Variants in ZMYM2 observed in about 807,000 individuals in gnomAD.
ZMYM2 encodes zinc finger MYM-type protein 2.
In ZMYM2, 56 loss-of-function variants were observed where a neutral mutation model predicts 162.8. The observed-to-expected ratio is 0.34, with a 90% CI of 0.28 to 0.43. The LOEUF (loss-of-function observed/expected upper bound fraction) is 0.43. ZMYM2 is among the 20% of genes least tolerant of loss of function. ZMYM2 has a pLI of 1.00. For synonymous variants in ZMYM2, 510 were observed against 541.6 expected (o/e 0.94, Z 0.81); for missense variants, 1,275 against 1,621.8 (o/e 0.79, Z 3.67).
At chr13:20,036,659 C>T in intron 11 of ZMYM2, 78 bp from the exon 12 acceptor site, 1 of 1,202,126 alleles carries the variant, frequency 8.3e-7, no homozygotes, top group Middle Eastern at 2.5e-4. Flanking sequence ...AAATCTTGAC[C>T]AATTAAGATC....
the ZMYM2 span, among the ~76,000 whole-genome samples, chr13:19,905,633 T>G: frequency 1.3e-5 from 2 of 152,270 alleles, no homozygotes; most frequent in African/African-American, 4.8e-5. Context: ...CTGCTTACCC[T>G]GCCTTGCCTG....
the ZMYM2 span, among the ~76,000 whole-genome samples, chr13:19,911,283 T>G: frequency 2.0e-5 from 3 of 152,084 alleles, no homozygotes; most frequent in African/African-American, 7.2e-5. Flanking sequence ...GGTCTGGAAC[T>G]CCTGACCTCA....
At chr13:19,925,262 C>T in the ZMYM2 span, among the ~76,000 whole-genome samples, 1 of 152,158 alleles carries the variant, frequency 6.6e-6, no homozygotes, top group Non-Finnish European at 1.5e-5. Context: ...TTTGCTATAG[C>T]TTTTTAGTAA....
At chr13:19,877,023 G>C in the ZMYM2 span, among the ~76,000 whole-genome samples, 1,839 of 151,758 alleles carry the variant, frequency 0.012, 39 homozygotes, top group African/African-American at 0.041. Flanking sequence ...AGGAGATCGA[G>C]ACCATGGTGA....
the ZMYM2 span, among the ~76,000 whole-genome samples, chr13:19,929,520 G>A: frequency 6.6e-6 from 1 of 152,180 alleles, no homozygotes; most frequent in African/African-American, 2.4e-5. Context: ...TTACATGCGT[G>A]AGCCACCGCG....
the ZMYM2 span, among the ~76,000 whole-genome samples, chr13:19,898,433 C>T: frequency 6.6e-6 from 1 of 152,030 alleles, no homozygotes; most frequent in Non-Finnish European, 1.5e-5. Context: ...CGGGGTTTCA[C>T]TGTGTTAGCC....
chr13:19,944,012 G>T, the ZMYM2 span, among the ~76,000 whole-genome samples: 1 of 152,248 alleles, frequency 6.6e-6, no homozygotes, highest in African/African-American at 2.4e-5. Flanking sequence ...AAAATATGCG[G>T]GGCTGTAGAA....
chr13:20,065,285 C>G (rs1253775536), intron 19 of ZMYM2, among the ~76,000 whole-genome samples: 1 of 151,876 alleles, frequency 6.6e-6, no homozygotes, highest in African/African-American at 2.4e-5. Flanking sequence ...TGCTTGACAC[C>G]AAACACAACA....
intron 17 of ZMYM2, 146 bp downstream of exon 17, chr13:20,061,370 A>ATTCGGCG: frequency 1.5e-6 from 1 of 651,294 alleles, no homozygotes; most frequent in Non-Finnish European, 2.2e-6. Context: ...TTTTTATATT[A>ATTCGGCG]AGAGATCTAC....
the ZMYM2 span, among the ~76,000 whole-genome samples, chr13:19,869,268 C>G: frequency 6.6e-6 from 1 of 152,130 alleles, no homozygotes; most frequent in Non-Finnish European, 1.5e-5. Flanking sequence ...ACTGGATACA[C>G]AAGTTTTACT....
At chr13:20,003,182 T>G in intron 4 of ZMYM2, 47 bp downstream of exon 4, 1 of 1,543,622 alleles carries the variant, frequency 6.5e-7, no homozygotes, top group Non-Finnish European at 8.7e-7. Flanking sequence ...AATTTTGGAG[T>G]TGTAAAATTT....
intron 14 of ZMYM2, among the ~76,000 whole-genome samples, chr13:20,056,194 G>GC (rs1405263314): frequency 6.6e-6 from 1 of 152,178 alleles, no homozygotes; most frequent in Non-Finnish European, 1.5e-5. Context: ...AAATTCTTGA[G>GC]CACTTGCAGG....
intron 21 of ZMYM2, among the ~76,000 whole-genome samples, chr13:20,069,441 G>A (rs1375962648): frequency 4.0e-5 from 1 of 25,152 alleles, no homozygotes; most frequent in Non-Finnish European, 7.1e-4. Context: ...GTAGCTCCCT[G>A]TTACCAAGTT....
At chr13:19,919,541 T>C in the ZMYM2 span, among the ~76,000 whole-genome samples, 1 of 152,304 alleles carries the variant, frequency 6.6e-6, no homozygotes, top group African/African-American at 2.4e-5. Flanking sequence ...GTGGTTCTAA[T>C]GCATGTGTAT....
chr13:20,006,011 C>A lies in ZMYM2; in HGVS notation c.1300-363C>A, dbSNP rs146448662. On this transcript the variant is annotated intron_variant, in intron 5 of 24. Coordinates refer to ENST00000610343, the MANE Select transcript of ZMYM2 (RefSeq NM_197968.4). ...CTTTGGGAAGCCAAGGTGGGAGGAT[C>A]ACTTGAGGCCAGGAGTTTGAAATCA... is the stretch of plus-strand genomic sequence containing the variant. 1.1e-3 allele frequency among the ~76,000 whole-genome samples: 170 copies of A among 152,280 alleles called. No individual in the cohort carries two copies. The Middle Eastern group carries it at 0.02, about 18-fold the overall frequency.
chr13:19,956,590 T>C (rs903511992), upstream of ZMYM2, among the ~76,000 whole-genome samples: 1 of 152,244 alleles, frequency 6.6e-6, no homozygotes, highest in African/African-American at 2.4e-5. Context: ...CATGGACAGA[T>C]GTACCTGAAT....
At chr13:20,035,805 T>C (rs755349003) in intron 11 of ZMYM2, among the ~76,000 whole-genome samples, 10 of 152,218 alleles carry the variant, frequency 6.6e-5, no homozygotes, top group Middle Eastern at 3.4e-3. Flanking sequence ...CTGTCAGAAA[T>C]AACAAAACAC....
chr13:20,082,213 TAA>T, intron 22 of ZMYM2, 83 bp downstream of exon 22: 1 of 1,012,882 alleles, frequency 9.9e-7, no homozygotes, highest in Non-Finnish European at 1.4e-6. Context: ...ATATTATAAT[TAA>T]GTCACTTAAA....
chr13:19,993,026 A>G, intron 2 of ZMYM2, 37 bp from the exon 3 acceptor site: 1 of 1,529,518 alleles, frequency 6.5e-7, no homozygotes, highest in Non-Finnish European at 8.8e-7. Flanking sequence ...AAAAAGTCAT[A>G]CTGACATTTT....
Sources: gnomAD v4.1 joint callset for allele counts (sites outside exome capture counted in the v4.1 genomes callset) on GRCh38, gnomAD v4.1.1 for gene constraint, MANE v1.5 for transcripts, NCBI Gene and HGNC (gene_info 2026-07-23, HGNC 2026-07-21) for gene names.